The following RFX3 variants were observed in gnomAD, a reference collection of about 807,000 sequenced individuals.
RFX3 encodes the protein transcription factor RFX3.
In RFX3, 14 loss-of-function variants were observed where a neutral mutation model predicts 98.6. That is an observed-to-expected ratio of 0.14 (90% CI 0.09 to 0.22). The LOEUF is 0.22. Ranked by LOEUF, RFX3 falls within the 10% of genes least tolerant of loss-of-function variation. The pLI is 1.00. For synonymous variants in RFX3, 383 were observed against 328.4 expected (o/e 1.17, Z -1.80); for missense variants, 639 against 926.9 (o/e 0.69, Z 4.03).
intron 2 of RFX3, among the ~76,000 whole-genome samples, chr9:3,387,670 A>C (rs1839864759): frequency 6.6e-6 from 1 of 152,074 alleles, no homozygotes; most frequent in Non-Finnish European, 1.5e-5. Context: ...TTCATTTTAA[A>C]ATATAACTCA....
intron 1 of RFX3, among the ~76,000 whole-genome samples, chr9:3,468,514 C>T (rs1046199598): frequency 6.6e-6 from 1 of 152,164 alleles, no homozygotes; most frequent in African/African-American, 2.4e-5. Context: ...CTGTCAATCA[C>T]TGCTCCCTTT....
At chr9:3,246,827 C>A (rs943464112) in intron 15 of RFX3, among the ~76,000 whole-genome samples, 1 of 152,142 alleles carries the variant, frequency 6.6e-6, no homozygotes, top group Non-Finnish European at 1.5e-5. Flanking sequence ...TAAGCTTTAT[C>A]ATCAACAGGG....
chr9:3,261,386 A>T (rs1485476374), intron 13 of RFX3, among the ~76,000 whole-genome samples: 1 of 152,104 alleles, frequency 6.6e-6, no homozygotes, highest in Non-Finnish European at 1.5e-5. Context: ...ATACGAATGG[A>T]ATCATGTCAC....
intron 1 of RFX3, among the ~76,000 whole-genome samples, chr9:3,501,824 T>C (rs1235020646): frequency 6.6e-6 from 1 of 151,880 alleles, no homozygotes; most frequent in African/African-American, 2.4e-5. Flanking sequence ...CCCAAAGTGC[T>C]GGAATTACAG....
intron 16 of RFX3, among the ~76,000 whole-genome samples, chr9:3,225,521 TACTTTGTTA>T (rs1293740035): frequency 1.4e-5 from 2 of 147,244 alleles, no homozygotes; most frequent in Admixed American, 1.3e-4. Context: ...TTGTGATTGA[TACTTTGTTA>T]ACTTTTTTAA....
At chr9:3,449,391 T>G (rs1025068674) in intron 1 of RFX3, among the ~76,000 whole-genome samples, 2 of 152,222 alleles carry the variant, frequency 1.3e-5, no homozygotes, top group African/African-American at 4.8e-5. Flanking sequence ...GCACTAGTCA[T>G]GTTTGCTTAT....
chr9:3,500,484 GA>G (rs1313986069), intron 1 of RFX3, among the ~76,000 whole-genome samples: 1 of 151,692 alleles, frequency 6.6e-6, no homozygotes, highest in African/African-American at 2.4e-5. Context: ...ATGCAACTCA[GA>G]AAAAAAAGTT....
chr9:3,225,408 AAGCT>A (rs1817648423), intron 16 of RFX3, 128 bp from the exon 17 acceptor site: 2 of 1,378,598 alleles, frequency 1.5e-6, no homozygotes, highest in Admixed American at 5.3e-5. Context: ...TCAGGAAACA[AAGCT>A]TAGAGGTTTT....
chr9:3,457,426 C>T (rs1847290368), intron 1 of RFX3, among the ~76,000 whole-genome samples: 1 of 152,180 alleles, frequency 6.6e-6, no homozygotes, highest in South Asian at 2.1e-4. Context: ...AACTTCAATT[C>T]CCTTACTGTC....
At chr9:3,524,678 T>C (rs529115944) in intron 1 of RFX3, 23 of 940,108 alleles carry the variant, frequency 2.4e-5, no homozygotes, top group Admixed American at 6.2e-5. Context: ...ACAATGAAAA[T>C]TGTTAACACT....
chr9:3,418,564 G>C (rs1843175853), intron 1 of RFX3, among the ~76,000 whole-genome samples: 1 of 151,980 alleles, frequency 6.6e-6, no homozygotes, highest in Admixed American at 6.6e-5. Context: ...GTTTTTAGTA[G>C]AGACGGGGTT....
intron 7 of RFX3, among the ~76,000 whole-genome samples, chr9:3,280,069 CTAACCACAAGAG>C (rs1563851317): frequency 6.6e-6 from 1 of 151,634 alleles, no homozygotes; most frequent in East Asian, 1.9e-4. Flanking sequence ...TTTTTTCATT[CTAACCACAAGAG>C]TAAGGGTAGC....
chr9:3,252,365 G>T (rs1457266659), intron 14 of RFX3, among the ~76,000 whole-genome samples: 1 of 152,144 alleles, frequency 6.6e-6, no homozygotes, highest in East Asian at 1.9e-4. Flanking sequence ...AAAATATAAA[G>T]TTAGGGAGTA....
At chr9:3,388,703 T>C (rs1839976124) in intron 2 of RFX3, among the ~76,000 whole-genome samples, 1 of 151,872 alleles carries the variant, frequency 6.6e-6, no homozygotes, top group African/African-American at 2.4e-5. Context: ...AGAAACAAAC[T>C]CTCTGAGTCC....
chr9:3,422,903 T>C (rs560620345), intron 1 of RFX3, among the ~76,000 whole-genome samples: 2 of 152,278 alleles, frequency 1.3e-5, no homozygotes, highest in East Asian at 3.9e-4. Flanking sequence ...ACAATGGAGC[T>C]ATATTTAAAA....
chr9:3,372,615 T>C (rs1837988212), intron 2 of RFX3, among the ~76,000 whole-genome samples: 2 of 151,128 alleles, frequency 1.3e-5, no homozygotes, highest in Admixed American at 6.6e-5. Context: ...TGGTGTGATC[T>C]TGGCTCACTG....
chr9:3,306,403 C>T (rs569773302), intron 4 of RFX3, among the ~76,000 whole-genome samples: 2 of 151,848 alleles, frequency 1.3e-5, no homozygotes, highest in African/African-American at 2.4e-5. Flanking sequence ...GTGGGAAATT[C>T]GTTAAACTAG....
chr9:3,304,704 A>G (rs1829073144), intron 4 of RFX3, among the ~76,000 whole-genome samples: 1 of 151,970 alleles, frequency 6.6e-6, no homozygotes, highest in African/African-American at 2.4e-5. Flanking sequence ...GCTGCCATGT[A>G]AGATGAGTCT....
chr9:3,231,562 G>A (rs1041412950), intron 15 of RFX3, among the ~76,000 whole-genome samples: 3 of 152,068 alleles, frequency 2.0e-5, no homozygotes, highest in Admixed American at 1.3e-4. Context: ...GCAGAAAAAT[G>A]AGCGCTTAGG....
Sources: allele counts gnomAD v4.1 joint callset (sites outside exome capture counted in the v4.1 genomes callset), GRCh38; gene constraint gnomAD v4.1.1; transcripts MANE v1.5; gene names NCBI Gene and HGNC (gene_info 2026-07-23, HGNC 2026-07-21).